Variants in TERF2 observed in about 807,000 individuals in gnomAD.
TERF2 encodes the protein telomeric repeat binding factor 2.
TERF2 carries 16 observed loss-of-function variants against 56.1 expected under a neutral mutation model. The ratio of observed to expected loss-of-function variants is 0.29; its 90% CI spans 0.19 to 0.43. TERF2 has a LOEUF of 0.43. Ranked by LOEUF, TERF2 falls within the 20% of genes least tolerant of loss-of-function variation. The pLI, the probability that TERF2 is intolerant of heterozygous loss-of-function variation, is 1.00. For missense variants in TERF2, 547 were observed against 712.9 expected, an observed-to-expected ratio of 0.77 and a Z score of 2.65; for synonymous variants, 296 against 282.1, an observed-to-expected ratio of 1.05 and a Z score of -0.50.
chr16:69,377,108 C>T (rs960941100), intron 3 of TERF2, among the ~76,000 whole-genome samples: 5 of 150,530 alleles, frequency 3.3e-5, no homozygotes, highest in African/African-American at 1.2e-4. Flanking sequence ...GAGGCTGAGG[C>T]ATGAGAATCG....
Position 69,366,843 on chromosome 16 carries a change from A to G in TERF2, c.1304T>C (p.Val435Ala). 1 of 1,613,970 alleles carries G rather than the reference A, an allele frequency of 6.2e-7. No homozygotes were observed. Among genetic ancestry groups the G allele is most frequent in the Non-Finnish European group, 8.5e-7 (1 of 1,180,006 alleles). Residue 435 changes from valine (V) to alanine (A), a missense_variant, in exon 7 of 10, where the codon GTT becomes GCT. Physicochemically the swap from Val to Ala is moderately conservative, Grantham distance 64. Around this residue, in one of 6 missense-constraint regions of TERF2, gnomAD observed 211 missense variants for 236.8 expected, o/e 0.89. Transcript: ENST00000254942. ...CTCTCCAGGGAGGGGTTGGTTGAGA[A>G]CGGTGGGCTTGGATGGTGGCGCTGA... ...AASAPPSKPT[V>A]LNQPLPGEKN...
intron 3 of TERF2, among the ~76,000 whole-genome samples, chr16:69,376,887 A>C (rs2013809756): frequency 6.7e-6 from 1 of 149,722 alleles, no homozygotes; most frequent in Non-Finnish European, 1.5e-5. Flanking sequence ...AAAACTGAGA[A>C]AAAGACAAAG....
At chr16:69,361,278 G>A in intron 8 of TERF2, 126 bp downstream of exon 8, 1 of 694,466 alleles carries the variant, frequency 1.4e-6, no homozygotes, top group Non-Finnish European at 2.5e-6. Context: ...ATTAAAATGA[G>A]ATCGGGAACT....
At chr16:69,378,956 G>A (rs1052693967) in intron 3 of TERF2, among the ~76,000 whole-genome samples, 1 of 150,442 alleles carries the variant, frequency 6.6e-6, no homozygotes, top group African/African-American at 2.5e-5. Flanking sequence ...CCTGTGGGGG[G>A]GGGGAAATTA....
At chr16:69,361,231 G>C in intron 8 of TERF2, 173 bp downstream of exon 8, 1 of 596,644 alleles carries the variant, frequency 1.7e-6, no homozygotes, top group Non-Finnish European at 2.9e-6. Context: ...GACCCTGTCT[G>C]AAAAAGGAAA....
chr16:69,368,294 A>C (rs749842687), intron 6 of TERF2, 82 bp downstream of exon 6: 14 of 1,334,782 alleles, frequency 1.0e-5, no homozygotes, highest in Non-Finnish European at 1.5e-5. Context: ...GCTGAGAGGA[A>C]CTGATCCTGG....
chr16:69,368,035 T>A (rs1382181892), intron 6 of TERF2, among the ~76,000 whole-genome samples: 1 of 152,152 alleles, frequency 6.6e-6, no homozygotes, highest in East Asian at 1.9e-4. Flanking sequence ...TAGGAACTGG[T>A]TTTGGGATTC....
intron 3 of TERF2, among the ~76,000 whole-genome samples, chr16:69,372,959 G>C (rs2013632255): frequency 6.6e-6 from 1 of 152,122 alleles, no homozygotes; most frequent in Non-Finnish European, 1.5e-5. Context: ...AGAATGGACA[G>C]GAGTCATTCT....
chr16:69,385,808 C>G lies in TERF2; in HGVS notation c.164G>C (p.Arg55Pro), dbSNP rs1475971879. Reference protein sequence around the residue: ...GGGGSSDGSGRAAGRRASRSS... With the variant: ...GGGGSSDGSGPAAGRRASRSS... ...GCGGGACGCCCGCCTGCCAGCTGCC[C>G]GCCCGCTGCCGTCGCTACTCCCGCC... The change falls in exon 1 of 10, where the codon CGG becomes CCG. Residue 55 changes from arginine to proline, a missense_variant. By Grantham distance (103) the Arg-to-Pro change is moderately radical (BLOSUM62 -2). Coordinates refer to ENST00000254942, the MANE Select transcript of TERF2 (RefSeq NM_005652.5). 4.6e-6 allele frequency: 6 copies of G among 1,304,832 alleles called. No homozygotes were observed. Among genetic ancestry groups the G allele is most frequent in the Non-Finnish European group, 4.9e-6 (5 of 1,026,536 alleles). 80.8% of individuals were successfully genotyped at this position (1,304,832 alleles called of 1,614,324 possible).
At chr16:69,368,817 C>A (rs1429153959) in intron 5 of TERF2, among the ~76,000 whole-genome samples, 1 of 152,074 alleles carries the variant, frequency 6.6e-6, no homozygotes, top group Non-Finnish European at 1.5e-5. Context: ...GCTGGGATTA[C>A]AGGCGCCCAC....
chr16:69,357,631 T>A lies in TERF2; in HGVS notation c.1427-70A>T, dbSNP rs370169685. 12 of 1,569,352 alleles carry A rather than the reference T, an allele frequency of 7.6e-6. No individual in the cohort carries two copies. The African/African-American group carries it at 1.5e-4, about 20-fold the overall frequency. ...CTGCACAAACCACAAGAAAAAGACA[T>A]GGAATGTCCCCAAAGGGAAAACTTC... On this transcript the variant is annotated intron_variant, in intron 8 of 9. Transcript: ENST00000254942.
rs774628496 is a variant in TERF2, at chr16:69,367,056, G to A, written c.1091C>T (p.Ala364Val). The part of the protein sequence containing the change: ...DLVLPTQALP[A>V]SPALKNKRPR... ...TCTCTTGTTTTTGAGGGCTGGTGAT[G>A]CTGGGAGAGCTTGAGTAGGAAGAAC... The change falls in exon 7 of 10, where the codon GCA (alanine) becomes GTA (valine). Residue 364 changes from alanine (A) to valine (V), a missense_variant. This residue lies in a region of TERF2 where 211 missense variants were observed against 236.8 expected (regional missense o/e 0.89). Coordinates refer to ENST00000254942, the MANE Select transcript of TERF2 (RefSeq NM_005652.5). 2.5e-6 allele frequency: 4 copies of A among 1,614,112 alleles called. No individual in the cohort carries two copies. The highest frequency in any genetic ancestry group is 1.7e-6 in the Non-Finnish European group (2 of 1,180,050).
intron 3 of TERF2, among the ~76,000 whole-genome samples, chr16:69,380,745 C>G (rs2013967454): frequency 6.6e-6 from 1 of 150,732 alleles, no homozygotes; most frequent in African/African-American, 2.4e-5. Context: ...CATTGGTCAT[C>G]TGGAAAATAC....
At chr16:69,363,674 A>G (rs1186404015) in intron 7 of TERF2, among the ~76,000 whole-genome samples, 1 of 152,184 alleles carries the variant, frequency 6.6e-6, no homozygotes, top group Non-Finnish European at 1.5e-5. Flanking sequence ...GTAACAAAAA[A>G]ACAAAAAAAG....
chr16:69,363,521 C>A (rs1329261326), intron 7 of TERF2, among the ~76,000 whole-genome samples: 4 of 152,202 alleles, frequency 2.6e-5, no homozygotes, highest in Non-Finnish European at 5.9e-5. Flanking sequence ...AGTCAGGCCA[C>A]TTCCTGGTCC....
Position 69,356,799 on chromosome 16 carries a change from CAA to C in TERF2, c.*97_*98del, listed in dbSNP as rs372147187. On this transcript the variant is annotated 3_prime_UTR_variant, in exon 10 of 10. Transcript: ENST00000254942. ...TGGGTGACAGAGCGAGACTCTGTCT[CAA>C]AAAAAAAAAAAAAAGAAAAAGAAAG... The C allele has an allele frequency of 0.031, 30,757 of 996,510 alleles. No homozygotes were observed. Among genetic ancestry groups the C allele is most frequent in the South Asian group, 0.049 (2,541 of 51,530 alleles). 61.7% of individuals were successfully genotyped at this position (996,510 alleles called of 1,614,324 possible). A position where few individuals can be genotyped will look rare whatever the true frequency, so the allele number is the denominator to read the frequency against.
chr16:69,381,471 T>A (rs997475460), intron 3 of TERF2, among the ~76,000 whole-genome samples: 1 of 152,112 alleles, frequency 6.6e-6, no homozygotes, highest in African/African-American at 2.4e-5. Flanking sequence ...TTAGTCATAC[T>A]TCCTCTTATT....
chr16:69,363,861 G>A (rs2013238768), intron 7 of TERF2, among the ~76,000 whole-genome samples: 1 of 152,138 alleles, frequency 6.6e-6, no homozygotes, highest in African/African-American at 2.4e-5. Context: ...CAGTTACTGG[G>A]ATGGGGGCGG....
At chr16:69,360,397 GAAA>G (rs946338296) in intron 8 of TERF2, among the ~76,000 whole-genome samples, 1 of 149,756 alleles carries the variant, frequency 6.7e-6, no homozygotes, top group Non-Finnish European at 1.5e-5. Flanking sequence ...AAAAAAAAAA[GAAA>G]AAAAGAAAAC....
Sources: allele counts gnomAD v4.1 joint callset (sites outside exome capture counted in the v4.1 genomes callset), GRCh38; gene constraint gnomAD v4.1.1; regional missense constraint gnomAD v4.1.1; transcripts MANE v1.5; gene names NCBI Gene and HGNC (gene_info 2026-07-23, HGNC 2026-07-21).